PARD3B: variants seen among roughly 807,000 people sequenced by gnomAD.
PARD3B encodes partitioning defective 3 homolog B.
A neutral mutation model predicts 130.2 loss-of-function variants in PARD3B; 103 were observed. The observed-to-expected ratio is 0.79, with a 90% CI of 0.67 to 0.93. The LOEUF (loss-of-function observed/expected upper bound fraction) is 0.93. PARD3B is among the 40% of genes least tolerant of loss of function. The pLI is 0.00. For synonymous variants in PARD3B, 583 were observed against 553.2 expected (o/e 1.05, Z -0.76); for missense variants, 1,609 against 1,499.2 (o/e 1.07, Z -1.21).
At chr2:205,610,273 A>G (rs979037011) in intron 22 of PARD3B, among the ~76,000 whole-genome samples, 4 of 152,160 alleles carry the variant, frequency 2.6e-5, no homozygotes, top group Non-Finnish European at 4.4e-5. Context: ...ATCAGCCCTC[A>G]AGCCCAGGTA....
At chr2:205,426,397 C>A (rs1190763558) in intron 19 of PARD3B, among the ~76,000 whole-genome samples, 1 of 152,058 alleles carries the variant, frequency 6.6e-6, no homozygotes, top group East Asian at 1.9e-4. Context: ...ATTATAGTGA[C>A]CTAATTGTAG....
chr2:205,351,222 C>A lies in PARD3B; in HGVS notation c.2630+49521C>A, dbSNP rs904515571. 6.6e-6 allele frequency among the ~76,000 whole-genome samples: 1 copy of A among 152,188 alleles called. No homozygotes were observed. The highest frequency in any genetic ancestry group is 2.1e-4 in the South Asian group (1 of 4,832). ...TCTCTCTGTCACCTTGCTGTCTCCC[C>A]ACCACATTTATGATGTGAAACTAAA... On this transcript the variant is annotated intron_variant, in intron 18 of 22. Transcript: ENST00000406610. This position sits in a 1 kb window ranked among gnomAD's most constrained non-coding sequence, Gnocchi z 4.2.
intron 2 of PARD3B, among the ~76,000 whole-genome samples, chr2:204,736,763 G>T (rs761333249): frequency 6.6e-6 from 1 of 152,094 alleles, no homozygotes; most frequent in Non-Finnish European, 1.5e-5. Flanking sequence ...TCTTTTCATA[G>T]AATGACTTCT....
chr2:204,937,741 G>A (rs1451237671), intron 2 of PARD3B, among the ~76,000 whole-genome samples: 1 of 152,116 alleles, frequency 6.6e-6, no homozygotes, highest in Non-Finnish European at 1.5e-5. Context: ...AGCTGTAACA[G>A]TGTATGCCCT....
chr2:205,499,016 A>T (rs1226268537), intron 20 of PARD3B, among the ~76,000 whole-genome samples: 1 of 152,088 alleles, frequency 6.6e-6, no homozygotes, highest in Non-Finnish European at 1.5e-5. Context: ...CCAGATTTTA[A>T]CGTCTGGTGC....
intron 19 of PARD3B, among the ~76,000 whole-genome samples, chr2:205,436,501 T>G (rs1329653702): frequency 6.6e-6 from 1 of 152,174 alleles, no homozygotes; most frequent in African/African-American, 2.4e-5. Context: ...GCTTACTATA[T>G]GCAATAAGCT....
intron 22 of PARD3B, among the ~76,000 whole-genome samples, chr2:205,595,610 T>C (rs2054541763): frequency 6.6e-6 from 1 of 152,146 alleles, no homozygotes; most frequent in African/African-American, 2.4e-5. Context: ...TTCACATTGG[T>C]ATATAAACCA....
At chr2:205,219,213 G>T (rs2038108750) in intron 15 of PARD3B, among the ~76,000 whole-genome samples, 1 of 152,114 alleles carries the variant, frequency 6.6e-6, no homozygotes, top group South Asian at 2.1e-4. Flanking sequence ...TTTCCAAAAA[G>T]CTAGCAGATA....
At chr2:205,079,522 G>A (rs998180260) in intron 4 of PARD3B, among the ~76,000 whole-genome samples, 5 of 152,102 alleles carry the variant, frequency 3.3e-5, no homozygotes, top group Non-Finnish European at 5.9e-5. Flanking sequence ...ATTCCCTCCA[G>A]CCCTTTTATA....
intron 15 of PARD3B, among the ~76,000 whole-genome samples, chr2:205,197,440 G>C (rs2036758146): frequency 6.6e-6 from 1 of 151,896 alleles, no homozygotes; most frequent in Non-Finnish European, 1.5e-5. Context: ...TCTTGAGATG[G>C]TTAACACATT....
chr2:205,495,279 A>G (rs1480130467), intron 20 of PARD3B, among the ~76,000 whole-genome samples: 3 of 152,232 alleles, frequency 2.0e-5, no homozygotes, highest in Non-Finnish European at 2.9e-5. Context: ...AAATCATTAC[A>G]ATATACATCA....
intron 2 of PARD3B, among the ~76,000 whole-genome samples, chr2:204,882,380 T>G (rs2125671704): frequency 6.6e-6 from 1 of 152,348 alleles, no homozygotes; most frequent in South Asian, 2.1e-4. Flanking sequence ...CAGATAATCC[T>G]TCTATAATCC....
chr2:204,952,358 G>T (rs962575163), intron 2 of PARD3B, among the ~76,000 whole-genome samples: 1 of 152,126 alleles, frequency 6.6e-6, no homozygotes, highest in African/African-American at 2.4e-5. Context: ...TCTCTTAAGG[G>T]ACTATCAAAG....
chr2:205,046,257 T>C lies in PARD3B; in HGVS notation c.395-1324T>C, dbSNP rs116881000. 3.1e-3 allele frequency among the ~76,000 whole-genome samples: 470 copies of C among 152,028 alleles called. 27 individuals carry two copies. The East Asian group carries it at 0.077, about 25-fold the overall frequency. On this transcript the variant is annotated intron_variant, in intron 3 of 22. Transcript: ENST00000406610. ...TTCTTGCTTCTACTCTTCTTGTTTTTTTTTTTTAAAAATGTTTTATTTCAA... is the reference window on the plus strand; with the variant it reads ...TTCTTGCTTCTACTCTTCTTGTTTTCTTTTTTTAAAAATGTTTTATTTCAA...
intron 18 of PARD3B, among the ~76,000 whole-genome samples, chr2:205,348,970 A>G (rs532633190): frequency 1.4e-4 from 22 of 152,318 alleles, no homozygotes; most frequent in African/African-American, 5.3e-4. Context: ...GATAAAAAAT[A>G]TGTATGGTGA....
chr2:205,548,137 T>C (rs2052457091), intron 21 of PARD3B, among the ~76,000 whole-genome samples: 1 of 152,102 alleles, frequency 6.6e-6, no homozygotes, highest in Non-Finnish European at 1.5e-5. Context: ...GCCCTTTAAA[T>C]GATGGTGTTC....
chr2:204,661,634 A>G (rs1384939064), intron 1 of PARD3B, among the ~76,000 whole-genome samples: 1 of 152,184 alleles, frequency 6.6e-6, no homozygotes. Flanking sequence ...TGTGGCTTAT[A>G]TTTATCAATA....
chr2:205,279,585 T>C (rs1214709904), intron 16 of PARD3B, among the ~76,000 whole-genome samples: 1 of 152,198 alleles, frequency 6.6e-6, no homozygotes, highest in Non-Finnish European at 1.5e-5. Context: ...ATCACTGCTT[T>C]TATTTATGAA....
At chr2:205,214,715 C>T (rs1386429645) in intron 15 of PARD3B, among the ~76,000 whole-genome samples, 2 of 151,990 alleles carry the variant, frequency 1.3e-5, no homozygotes, top group African/African-American at 4.8e-5. Context: ...AACTGAGAAA[C>T]ATTAAAAGGC....
Sources: allele counts gnomAD v4.1 joint callset (sites outside exome capture counted in the v4.1 genomes callset), GRCh38; gene constraint gnomAD v4.1.1; non-coding constraint Gnocchi (gnomAD v3.1); transcripts MANE v1.5; gene names NCBI Gene and HGNC (gene_info 2026-07-23, HGNC 2026-07-21).